The following IPCEF1 variants were observed in gnomAD, a reference collection of about 807,000 sequenced individuals.
IPCEF1 encodes the protein interactor protein for cytohesin exchange factors 1.
In IPCEF1, 31 loss-of-function variants were observed where a neutral mutation model predicts 50.9. That is an observed-to-expected ratio of 0.61 (90% confidence interval 0.46 to 0.82). The LOEUF (loss-of-function observed/expected upper bound fraction) is 0.82. IPCEF1 is among the 40% of genes least tolerant of loss of function. The pLI is 0.00. For synonymous variants in IPCEF1, 181 were observed against 192.0 expected (o/e 0.94, Z 0.47); for missense variants, 458 against 514.0 (o/e 0.89, Z 1.05).
intron 1 of IPCEF1, among the ~76,000 whole-genome samples, chr6:154,350,300 T>C (rs1198731054): frequency 6.6e-6 from 1 of 152,204 alleles, no homozygotes; most frequent in African/African-American, 2.4e-5. Context: ...CCCCCCCAAA[T>C]AGACGCTGAT....
At chr6:154,212,005 TA>T (rs1227218649) in intron 9 of IPCEF1, among the ~76,000 whole-genome samples, 1 of 152,196 alleles carries the variant, frequency 6.6e-6, no homozygotes, top group Non-Finnish European at 1.5e-5. Context: ...ATGCATTAAA[TA>T]AAATGCAAAT....
chr6:154,273,716 C>CTTTTT lies in IPCEF1; in HGVS notation c.-17-7753_-17-7752insAAAAA, dbSNP rs1562574980. ...AGCTTTTTTCTTTTTTTCTTTCTTT[C>CTTTTT]TTTCTTTCTTTTTTTTTTTTTTTTT... On this transcript the variant is annotated intron_variant, in intron 2 of 11. Transcript: ENST00000367220. Among the ~76,000 whole-genome samples the CTTTTT allele has an allele frequency of 1.1e-4, 3 of 28,030 alleles. 1 individual carries two copies. Among genetic ancestry groups the CTTTTT allele is most frequent in the African/African-American group, 2.9e-4 (3 of 10,422 alleles). 18.4% of individuals were successfully genotyped at this position (28,030 alleles called of 152,430 possible). A position where few individuals can be genotyped will look rare whatever the true frequency, so the allele number is the denominator to read the frequency against.
chr6:154,168,420 G>T lies in IPCEF1; in HGVS notation c.911-307C>A, dbSNP rs1349243059. Among the ~76,000 whole-genome samples the T allele has an allele frequency of 5.9e-5, 9 of 152,148 alleles. No homozygotes were observed. The highest frequency in any genetic ancestry group is 1.7e-4 in the African/African-American group (7 of 41,504). ...TATTCACATGGGGTGTTCCCTGCAT[G>T]CATGTCTCTGTGTCCAAACTCCCCC... On this transcript the variant is annotated intron_variant, in intron 10 of 11. Coordinates refer to ENST00000367220, the MANE Select transcript of IPCEF1 (RefSeq NM_001130700.2). The surrounding 1 kb of genome is among the most constrained non-coding windows in gnomAD (Gnocchi z 4.1).
chr6:154,212,619 A>G (rs1778056176), intron 9 of IPCEF1, 151 bp downstream of exon 9: 1 of 610,656 alleles, frequency 1.6e-6, no homozygotes, highest in African/African-American at 1.8e-5. Flanking sequence ...GCTCAAAATC[A>G]GCACCCTGAA....
chr6:154,355,176 G>A (rs1784194842), intron 1 of IPCEF1, among the ~76,000 whole-genome samples: 1 of 152,172 alleles, frequency 6.6e-6, no homozygotes, highest in Non-Finnish European at 1.5e-5. Context: ...CAAAAGGAAA[G>A]TCTCAGGCAA....
At chr6:154,211,740 G>A (rs1251584728) in intron 9 of IPCEF1, among the ~76,000 whole-genome samples, 1 of 152,184 alleles carries the variant, frequency 6.6e-6, no homozygotes, top group Non-Finnish European at 1.5e-5. Context: ...ACTTTTAATA[G>A]GTTGGTGCAA....
In IPCEF1 at chr6:154,299,659, C is replaced by T. The variant is rs969186218; in HGVS notation, c.-61-9903G>A. 7.1e-5 allele frequency among the ~76,000 whole-genome samples: 10 copies of T among 140,172 alleles called. 3 individuals are homozygous for T. The highest frequency in any genetic ancestry group is 1.6e-4 in the Non-Finnish European group (10 of 62,644). 92.0% of individuals were successfully genotyped at this position (140,172 alleles called of 152,430 possible). A position where few individuals can be genotyped will look rare whatever the true frequency, so the allele number is the denominator to read the frequency against. On this transcript the variant is annotated intron_variant, in intron 1 of 11. Coordinates refer to ENST00000367220, the MANE Select transcript of IPCEF1 (RefSeq NM_001130700.2). ...AGCTAATGCATGCTGGGCTTAATAC[C>T]TAGGTGATGGGTTGATAGGTGCAGC... is the stretch of plus-strand genomic sequence containing the variant.
intron 1 of IPCEF1, among the ~76,000 whole-genome samples, chr6:154,347,757 T>C (rs749976118): frequency 7.9e-5 from 12 of 152,222 alleles, no homozygotes; most frequent in Admixed American, 2.0e-4. Context: ...GAATATTTCA[T>C]AGGCCAGGAG....
chr6:154,192,229 A>G (rs1229718545), intron 10 of IPCEF1, among the ~76,000 whole-genome samples: 1 of 151,968 alleles, frequency 6.6e-6, no homozygotes, highest in African/African-American at 2.4e-5. Flanking sequence ...TCTCTTCAGC[A>G]TGGGTGAGCA....
At chr6:154,205,743 A>G (rs557106441) in intron 9 of IPCEF1, among the ~76,000 whole-genome samples, 14 of 152,234 alleles carry the variant, frequency 9.2e-5, no homozygotes, top group African/African-American at 3.4e-4. Context: ...ATAAACTGCA[A>G]TTAGGACAAG....
chr6:154,189,040 A>G (rs1468813315), intron 10 of IPCEF1, among the ~76,000 whole-genome samples: 1 of 152,230 alleles, frequency 6.6e-6, no homozygotes, highest in Non-Finnish European at 1.5e-5. Context: ...AGTGAAGTAA[A>G]AAAGTAGAAA....
intron 1 of IPCEF1, among the ~76,000 whole-genome samples, chr6:154,337,230 AAGG>A (rs1473925992): frequency 4.6e-5 from 7 of 152,346 alleles, no homozygotes; most frequent in Non-Finnish European, 7.3e-5. Context: ...TGTAATTTAG[AAGG>A]AGATTTCCTT....
chr6:154,321,561 T>G (rs1268945407), intron 1 of IPCEF1, among the ~76,000 whole-genome samples: 1 of 151,854 alleles, frequency 6.6e-6, no homozygotes, highest in Non-Finnish European at 1.5e-5. Flanking sequence ...GCAGATCACC[T>G]GAGGTCAGGG....
intron 1 of IPCEF1, among the ~76,000 whole-genome samples, chr6:154,314,402 A>G (rs1783161685): frequency 6.6e-6 from 1 of 152,206 alleles, no homozygotes. Context: ...ATTTGAGCCC[A>G]TAATTAAAAA....
intron 5 of IPCEF1, among the ~76,000 whole-genome samples, chr6:154,242,632 A>G (rs1260003432): frequency 6.6e-6 from 1 of 152,176 alleles, no homozygotes; most frequent in Non-Finnish European, 1.5e-5. Flanking sequence ...CACATCTGTA[A>G]TCCCAGCACT....
At chr6:154,330,456 T>A (rs1268561721) in intron 1 of IPCEF1, among the ~76,000 whole-genome samples, 1 of 148,528 alleles carries the variant, frequency 6.7e-6, no homozygotes, top group Non-Finnish European at 1.5e-5. Flanking sequence ...CCCACCTCGG[T>A]CCCCCGAGTA....
rs1782752255 is a variant in IPCEF1 at position 154,300,006 on chromosome 6, C to A, written c.-61-10250G>T. The stretch of plus-strand genomic sequence containing the variant: ...TTGGCATATTACTTTAAAAATGAAA[C>A]CCCGAAGTGAATGAAGACTTCACCT... On this transcript the variant is annotated intron_variant, in intron 1 of 11. Coordinates refer to ENST00000367220, the MANE Select transcript of IPCEF1 (RefSeq NM_001130700.2). 1.4e-5 allele frequency among the ~76,000 whole-genome samples: 2 copies of A among 140,464 alleles called. 1 individual carries two copies. Among genetic ancestry groups the A allele is most frequent in the Non-Finnish European group, 3.2e-5 (2 of 62,730 alleles). The allele number at this position is 140,464 out of a possible 152,430, so 92.1% of individuals were successfully genotyped here.
intron 11 of IPCEF1, among the ~76,000 whole-genome samples, chr6:154,164,756 G>A (rs995830762): frequency 1.6e-4 from 24 of 152,226 alleles, no homozygotes; most frequent in Admixed American, 4.6e-4. Flanking sequence ...AACTCAGAGA[G>A]AGTTTCAGTT....
chr6:154,261,381 G>T (rs1177606128), intron 3 of IPCEF1, among the ~76,000 whole-genome samples: 1 of 152,166 alleles, frequency 6.6e-6, no homozygotes, highest in East Asian at 1.9e-4. Context: ...ATGTAAGCAG[G>T]CGAGTGGCAT....
Sources: allele counts gnomAD v4.1 joint callset (sites outside exome capture counted in the v4.1 genomes callset), GRCh38; gene constraint gnomAD v4.1.1; non-coding constraint Gnocchi (gnomAD v3.1); transcripts MANE v1.5; gene names NCBI Gene and HGNC (gene_info 2026-07-23, HGNC 2026-07-21).